The following ZNF639 variants were observed in gnomAD, a reference collection of about 807,000 sequenced individuals.
The protein encoded by ZNF639 is zinc finger amplified in esophageal squamous cell carcinomas 1.
In ZNF639, 20 loss-of-function variants were observed where a neutral mutation model predicts 39.8. The ratio of observed to expected loss-of-function variants is 0.50; its 90% CI spans 0.35 to 0.73. The LOEUF is 0.73. ZNF639 is among the 30% of genes least tolerant of loss of function. ZNF639 has a pLI of 0.00. For synonymous variants in ZNF639, 176 were observed against 189.8 expected (o/e 0.93, Z 0.60); for missense variants, 477 against 566.2 (o/e 0.84, Z 1.60).
At position 179,323,086 on chromosome 3, in the gene ZNF639, C is replaced by G. The variant is rs1727369416; in HGVS notation, c.-288C>G. The stretch of plus-strand genomic sequence containing the variant: ...GGCCAGGGCAGTGCGGCCGCGGAGC[C>G]TAGGCCAGGGGCCTGGCGCTCAGGG... On this transcript the variant is annotated 5_prime_UTR_variant, in exon 1 of 6. Coordinates refer to ENST00000496856, the MANE Select transcript of ZNF639 (RefSeq NM_001303426.2). 5 of 984,910 alleles carry G rather than the reference C, an allele frequency of 5.1e-6. No individual in the cohort carries two copies. Among genetic ancestry groups the G allele is most frequent in the Non-Finnish European group, 3.6e-6 (3 of 830,000 alleles). The allele number at this position is 984,910 out of a possible 1,614,324, so 61.0% of individuals were successfully genotyped here. A position where few individuals can be genotyped will look rare whatever the true frequency, so the allele number is the denominator to read the frequency against.
In ZNF639 at chr3:179,333,704, T is replaced by C; in HGVS notation, c.740T>C (p.Leu247Pro). Reference protein sequence around the residue: ...VCKESFSTNMLLIEHAKLHEE... With the variant: ...VCKESFSTNMPLIEHAKLHEE... The stretch of plus-strand genomic sequence containing the variant: ...AAGGAAAGTTTCTCTACCAATATGC[T>C]TCTGATAGAACATGCCAAACTGCAT... Residue 247 changes from leucine (L) to proline (P), a missense_variant, in exon 6 of 6, where the codon CTT (leucine) becomes CCT (proline). Physicochemically the swap from Leu to Pro is moderately conservative, Grantham distance 98. Coordinates refer to ENST00000496856, the MANE Select transcript of ZNF639 (RefSeq NM_001303426.2). 1.5e-5 allele frequency: 25 copies of C among 1,614,182 alleles called. No individual in the cohort carries two copies. The highest frequency in any genetic ancestry group is 2.1e-5 in the Non-Finnish European group (25 of 1,180,032).
At position 179,323,066 on chromosome 3, in the gene ZNF639, G is replaced by C. The variant is rs1488713925; in HGVS notation, c.-308G>C. Reference sequence around the variant, plus strand: ...GCGCAGGCGCGGAGCGTGGCGGCCAGGGCAGTGCGGCCGCGGAGCCTAGGC... The same window carrying C: ...GCGCAGGCGCGGAGCGTGGCGGCCACGGCAGTGCGGCCGCGGAGCCTAGGC... On this transcript the variant is annotated 5_prime_UTR_variant, in exon 1 of 6. Transcript: ENST00000496856. 1.0e-6 allele frequency: 1 copy of C among 984,972 alleles called. No homozygotes were observed. Among genetic ancestry groups the C allele is most frequent in the African/African-American group, 1.7e-5 (1 of 57,156 alleles). 61.0% of individuals were successfully genotyped at this position (984,972 alleles called of 1,614,324 possible). A position where few individuals can be genotyped will look rare whatever the true frequency, so the allele number is the denominator to read the frequency against.
In ZNF639 at chr3:179,323,414, T is replaced by C. The variant is rs1017107681; in HGVS notation, c.-83+123T>C. ...CGGAGCTCCCTTTATACGGAAACTC[T>C]GCCTTCGTTATATGGCGGGATGGCG... On this transcript the variant is annotated intron_variant, in intron 1 of 5. Transcript: ENST00000496856. The C allele has an allele frequency of 1.0e-5, 10 of 981,320 alleles. No individual in the cohort carries two copies. In the African/African-American group the frequency reaches 1.7e-4, roughly 17 times the overall value. The allele number at this position is 981,320 out of a possible 1,614,324, so 60.8% of individuals were successfully genotyped here.
chr3:179,333,423 A>G lies in ZNF639; in HGVS notation c.459A>G (p.Ile153Met), dbSNP rs764344060. The G allele has an allele frequency of 1.9e-6, 3 of 1,614,182 alleles. No individual in the cohort carries two copies. Among genetic ancestry groups the G allele is most frequent in the South Asian group, 2.2e-5 (2 of 91,084 alleles). ...ATGCGATTTCTGAGGATTATGATAT[A>G]GAGACAGAAAACAATTCCTCTGAGA... The part of the protein sequence containing the change: ...EVHAISEDYD[I>M]ETENNSSESL... The change falls in exon 6 of 6, where the codon ATA (isoleucine) becomes ATG (methionine). Residue 153 changes from isoleucine to methionine, a missense_variant. Physicochemically the swap from Ile to Met is conservative, Grantham distance 10. Transcript: ENST00000496856.
rs1450251690 is a variant in ZNF639, at chr3:179,336,499, C to T, written c.*2077C>T. 1.3e-5 allele frequency: 2 copies of T among 152,238 alleles called. No homozygotes were observed. Among genetic ancestry groups the T allele is most frequent in the Admixed American group, 6.5e-5 (1 of 15,286 alleles). The allele number at this position is 152,238 out of a possible 1,614,324, so 9.4% of individuals were successfully genotyped here. ...ATGTGCATACCTGTGTTCCTAGCAA[C>T]TCACATTCCATCTAATTATAACATT... On this transcript the variant is annotated 3_prime_UTR_variant, in exon 6 of 6. Transcript: ENST00000496856.
chr3:179,326,159 C>T (rs1007659386), intron 1 of ZNF639, among the ~76,000 whole-genome samples: 5 of 152,184 alleles, frequency 3.3e-5, no homozygotes, highest in East Asian at 3.9e-4. Context: ...AGTAAACCCC[C>T]GTCTCTACTA....
rs754289104 is a variant in ZNF639, at chr3:179,334,144, G to T, written c.1180G>T (p.Ala394Ser). ...TCACACAAATGTTAACAGGCATGTT[G>T]CTATTGAACATACAAAAATTTTTCC... ...RLHTNVNRHVAIEHTKIFPHV... is the reference protein window; with the variant it reads ...RLHTNVNRHVSIEHTKIFPHV... Residue 394 changes from alanine (A) to serine (S), a missense_variant, in exon 6 of 6, where the codon GCT becomes TCT. Coordinates refer to ENST00000496856, the MANE Select transcript of ZNF639 (RefSeq NM_001303426.2). 1.7e-5 allele frequency: 28 copies of T among 1,614,076 alleles called. No homozygotes were observed. Among genetic ancestry groups the T allele is most frequent in the Non-Finnish European group, 2.4e-5 (28 of 1,179,990 alleles).
At chr3:179,330,681 C>T (rs138554362) in intron 4 of ZNF639, among the ~76,000 whole-genome samples, 3 of 152,198 alleles carry the variant, frequency 2.0e-5, no homozygotes, top group African/African-American at 4.8e-5. Flanking sequence ...GTGTTAGACA[C>T]AGTTCTACTC....
At chr3:179,324,514 T>G (rs1727473883) in intron 1 of ZNF639, among the ~76,000 whole-genome samples, 1 of 152,208 alleles carries the variant, frequency 6.6e-6, no homozygotes. Flanking sequence ...AAGCTAAGTT[T>G]TTTCAAGGCT....
In ZNF639 at chr3:179,333,803, C is replaced by T; in HGVS notation, c.839C>T (p.Ala280Val). The change falls in exon 6 of 6, where the codon GCA (alanine) becomes GTA (valine). Residue 280 changes from alanine (A) to valine (V), a missense_variant. Physicochemically the swap from Ala to Val is moderately conservative, Grantham distance 64. Transcript: ENST00000496856. ...TTTGAGAACCTCAGCCAGCACATTG[C>T]AGACACCCATTTTAGTGATCACCTC... ...VIFENLSQHI[A>V]DTHFSDHLYW... The T allele has an allele frequency of 6.2e-7, 1 of 1,614,174 alleles. No individual in the cohort carries two copies.
rs189240428 is a variant in ZNF639, at chr3:179,330,388, A to G, written c.169+660A>G. On this transcript the variant is annotated intron_variant, in intron 4 of 5. Transcript: ENST00000496856. ...ATTCTTGACCTCTTGAGCTAAAGCA[A>G]TCCTCCCACTCAGCCTTTTGAGTAG... is the stretch of plus-strand genomic sequence containing the variant. Among the ~76,000 whole-genome samples the G allele has an allele frequency of 2.1e-3, 323 of 152,142 alleles. 1 individual carries two copies. Among genetic ancestry groups the G allele is most frequent in the African/African-American group, 7.5e-3 (311 of 41,502 alleles).
At chr3:179,329,379 TG>T (rs1727776958) in intron 3 of ZNF639, among the ~76,000 whole-genome samples, 1 of 152,228 alleles carries the variant, frequency 6.6e-6, no homozygotes, top group South Asian at 2.1e-4. Context: ...ATAAAACAAA[TG>T]TATCCTTGTA....
rs1728064989 is a variant in ZNF639, at chr3:179,333,864, A to T, written c.900A>T (p.Ser300=). 1 of 1,614,066 alleles carries T rather than the reference A, an allele frequency of 6.2e-7. No homozygotes were observed. ...AACAGTGTGATGTACAGTTCTCCTC[A>T]AGCAGTGAACTCTACCTACATTTCC... ...WCEQCDVQFS[S]SSELYLHFQE... The change falls in exon 6 of 6, where the codon TCA becomes TCT. Residue 300 remains serine, a synonymous_variant. Coordinates refer to ENST00000496856, the MANE Select transcript of ZNF639 (RefSeq NM_001303426.2).
chr3:179,332,347 G>A (rs1727963962), intron 4 of ZNF639, among the ~76,000 whole-genome samples: 2 of 152,246 alleles, frequency 1.3e-5, no homozygotes, highest in South Asian at 4.1e-4. Context: ...GATGGGCTGA[G>A]TGTGGTGGCT....
rs897717239 is a variant in ZNF639 at position 179,337,929 on chromosome 3, G to C, written c.*3507G>C. On this transcript the variant is annotated 3_prime_UTR_variant, in exon 6 of 6. Coordinates refer to ENST00000496856, the MANE Select transcript of ZNF639 (RefSeq NM_001303426.2). ...ATACAGGTGCCCACCACCACACCCA[G>C]CTAATTTTTCTATTTTTAGTAGAGA... is the stretch of plus-strand genomic sequence containing the variant. 6.6e-6 allele frequency: 1 copy of C among 151,918 alleles called. No individual in the cohort carries two copies. The highest frequency in any genetic ancestry group is 1.5e-5 in the Non-Finnish European group (1 of 68,038). The allele number at this position is 151,918 out of a possible 1,614,324, so 9.4% of individuals were successfully genotyped here. A position where few individuals can be genotyped will look rare whatever the true frequency, so the allele number is the denominator to read the frequency against.
chr3:179,328,146 A>T, intron 2 of ZNF639, 137 bp from the exon 3 acceptor site: 1 of 523,738 alleles, frequency 1.9e-6, no homozygotes, highest in Non-Finnish European at 3.4e-6. Context: ...GGCATCATTT[A>T]ACACTTTTCT....
chr3:179,324,468 A>G (rs1727471831), intron 1 of ZNF639, among the ~76,000 whole-genome samples: 1 of 152,234 alleles, frequency 6.6e-6, no homozygotes, highest in African/African-American at 2.4e-5. Context: ...TGCTAAGAAG[A>G]CTAGTGAGCA....
chr3:179,323,320 G>C, intron 1 of ZNF639, 29 bp downstream of exon 1: 1 of 985,544 alleles, frequency 1.0e-6, no homozygotes, highest in Non-Finnish European at 1.2e-6. Context: ...CGGGTGGGTC[G>C]GGCGCTGGAC....
At chr3:179,330,683 G>T (rs1164579811) in intron 4 of ZNF639, among the ~76,000 whole-genome samples, 1 of 152,100 alleles carries the variant, frequency 6.6e-6, no homozygotes, top group Non-Finnish European at 1.5e-5. Context: ...GTTAGACACA[G>T]TTCTACTCAG....
Sources: gnomAD v4.1 joint callset for allele counts (sites outside exome capture counted in the v4.1 genomes callset) on GRCh38, gnomAD v4.1.1 for gene constraint, MANE v1.5 for transcripts, NCBI Gene and HGNC (gene_info 2026-07-23, HGNC 2026-07-21) for gene names.